R3HDM4: variants seen among roughly 807,000 people sequenced by gnomAD.
R3HDM4 encodes the protein R3H domain containing 4.
R3HDM4 carries 30 observed loss-of-function variants against 31.3 expected under a neutral mutation model. That is an observed-to-expected ratio of 0.96 (90% CI 0.72 to 1.30). R3HDM4 has a LOEUF of 1.30. Ranked by LOEUF, R3HDM4 falls within the 50% of genes most tolerant of loss-of-function variation. The pLI is 0.00. For synonymous variants in R3HDM4, 196 were observed against 156.6 expected (o/e 1.25, Z -1.88); for missense variants, 444 against 366.1 (o/e 1.21, Z -1.74).
intron 1 of R3HDM4, among the ~76,000 whole-genome samples, chr19:909,245 AAC>A (rs1350490301): frequency 1.3e-5 from 2 of 152,136 alleles, no homozygotes; most frequent in African/African-American, 4.8e-5. Flanking sequence ...CTCGAGCAAA[AAC>A]ACACCTTTCC....
chr19:909,344 G>A (rs945793406), intron 1 of R3HDM4, among the ~76,000 whole-genome samples: 2 of 152,200 alleles, frequency 1.3e-5, no homozygotes, highest in African/African-American at 4.8e-5. Flanking sequence ...TCAGGGCGGA[G>A]GTGACTCAGC....
chr19:913,052 C>CCT lies in R3HDM4; in HGVS notation c.71+34_71+35insAG. ...TCAGGGGAGGGAGCCCAGCCCGCCCCCGGCGCCCGCCGCGCCCCGCCCGCC... is the reference window on the plus strand; with the variant it reads ...TCAGGGGAGGGAGCCCAGCCCGCCCCCTCGGCGCCCGCCGCGCCCCGCCCGCC... On this transcript the variant is annotated intron_variant, in intron 1 of 7. Coordinates refer to ENST00000361574, the MANE Select transcript of R3HDM4 (RefSeq NM_138774.4). The surrounding 1 kb of genome is among the most constrained non-coding windows in gnomAD (Gnocchi z 5.0). 1.1e-6 allele frequency: 1 copy of CCT among 932,146 alleles called. No homozygotes were observed. The highest frequency in any genetic ancestry group is 1.3e-6 in the Non-Finnish European group (1 of 769,910). 57.7% of individuals were successfully genotyped at this position (932,146 alleles called of 1,614,324 possible).
At chr19:900,185 T>C (rs2036808793) in intron 4 of R3HDM4, 39 bp from the exon 5 acceptor site, 2 of 1,497,186 alleles carry the variant, frequency 1.3e-6, no homozygotes. Flanking sequence ...CTTGGGGTGC[T>C]CGTCCTGGCC....
Position 900,044 on chromosome 19 carries a change from G to A in R3HDM4, c.561+17C>T, listed in dbSNP as rs73507505. 3,950 of 1,610,592 alleles carry A rather than the reference G, an allele frequency of 2.5e-3. 86 individuals are homozygous for A. In the African/African-American group the frequency reaches 0.044, roughly 18 times the overall value. ...CCAGGCAGGTAGAAAAGGGAGGCCC[G>A]GCAATCCCCCACTCACCATGGGGAT... On this transcript the variant is annotated intron_variant, in intron 5 of 7. Transcript: ENST00000361574.
intron 1 of R3HDM4, among the ~76,000 whole-genome samples, chr19:909,020 G>A (rs2036940067): frequency 6.6e-6 from 1 of 152,196 alleles, no homozygotes; most frequent in Non-Finnish European, 1.5e-5. Context: ...TGTTTCCCAC[G>A]CCACTCAACA....
rs2036791853 is a variant in R3HDM4, at chr19:899,363, ACCAGGCC to A, written c.703+70_703+76del. On this transcript the variant is annotated intron_variant, in intron 7 of 7. Coordinates refer to ENST00000361574, the MANE Select transcript of R3HDM4 (RefSeq NM_138774.4). The surrounding 1 kb of genome is among the most constrained non-coding windows in gnomAD (Gnocchi z 6.8). ...TCCCCACCAAGCCCCACTCTGAGGA[ACCAGGCC>A]CCTGGGACCCTGGCCACTTTCCCAG... is the stretch of plus-strand genomic sequence containing the variant. 3 of 1,476,492 alleles carry A rather than the reference ACCAGGCC, an allele frequency of 2.0e-6. No homozygotes were observed. Among genetic ancestry groups the A allele is most frequent in the Non-Finnish European group, 1.9e-6 (2 of 1,056,962 alleles). 91.5% of individuals were successfully genotyped at this position (1,476,492 alleles called of 1,614,324 possible). A position where few individuals can be genotyped will look rare whatever the true frequency, so the allele number is the denominator to read the frequency against.
intron 1 of R3HDM4, among the ~76,000 whole-genome samples, chr19:910,395 G>A (rs1273842529): frequency 6.6e-6 from 1 of 151,944 alleles, no homozygotes; most frequent in Non-Finnish European, 1.5e-5. Flanking sequence ...GGGGCAGGAG[G>A]ATCGCCTGAG....
At chr19:901,829 T>C (rs2036841449) in intron 2 of R3HDM4, 147 bp downstream of exon 2, 3 of 969,026 alleles carry the variant, frequency 3.1e-6, no homozygotes, top group Non-Finnish European at 4.6e-6. Context: ...TCTATTTATA[T>C]GGTCCCCCGG....
Position 913,015 on chromosome 19 carries a change from G to C in R3HDM4, c.71+72C>G. 1.8e-6 allele frequency: 1 copy of C among 546,856 alleles called. No homozygotes were observed. The highest frequency in any genetic ancestry group is 2.4e-6 in the Non-Finnish European group (1 of 419,650). 33.9% of individuals were successfully genotyped at this position (546,856 alleles called of 1,614,324 possible). On this transcript the variant is annotated intron_variant, in intron 1 of 7. Transcript: ENST00000361574. The surrounding 1 kb of genome is among the most constrained non-coding windows in gnomAD (Gnocchi z 5.0). Reference sequence around the variant, plus strand: ...GAAGGGAAAGGAGGGGAGGGGAGGCGGGGAGAGGATCTCAGGGGAGGGAGC... The same window carrying C: ...GAAGGGAAAGGAGGGGAGGGGAGGCCGGGAGAGGATCTCAGGGGAGGGAGC...
At chr19:910,742 G>A (rs168405) in intron 1 of R3HDM4, among the ~76,000 whole-genome samples, 1 of 152,078 alleles carries the variant, frequency 6.6e-6, no homozygotes, top group South Asian at 2.1e-4. Context: ...AAATCACCTC[G>A]GTAGAGATGG....
intron 2 of R3HDM4, 189 bp from the exon 3 acceptor site, chr19:901,735 A>G: frequency 2.3e-6 from 2 of 888,154 alleles, no homozygotes; most frequent in South Asian, 3.5e-5. Context: ...ACTCCTATAT[A>G]TCCTTTAAAG....
At position 902,246 on chromosome 19, in the gene R3HDM4, A is replaced by G. The variant is rs1181417511; in HGVS notation, c.72-116T>C. ...CCCCAGCAATGGAGAGCTCACCCCT[A>G]CGGTGTGTGAAGTCCTGGGCCCTTA... On this transcript the variant is annotated intron_variant, in intron 1 of 7. Coordinates refer to ENST00000361574, the MANE Select transcript of R3HDM4 (RefSeq NM_138774.4). 8 of 1,135,540 alleles carry G rather than the reference A, an allele frequency of 7.0e-6. No homozygotes were observed. In the East Asian group the frequency reaches 2.0e-4, roughly 28 times the overall value. The allele number at this position is 1,135,540 out of a possible 1,614,324, so 70.3% of individuals were successfully genotyped here.
intron 3 of R3HDM4, 69 bp downstream of exon 3, chr19:901,353 C>A: frequency 1.3e-6 from 2 of 1,524,192 alleles, no homozygotes; most frequent in Non-Finnish European, 8.8e-7. Flanking sequence ...CGGGCACAGG[C>A]GATGGCCTGG....
rs1283925896 is a variant in R3HDM4 at position 897,467 on chromosome 19, G to A, written c.777C>T (p.Leu259=). 6.2e-7 allele frequency: 1 copy of A among 1,612,082 alleles called. No homozygotes were observed. Among genetic ancestry groups the A allele is most frequent in the Non-Finnish European group, 8.5e-7 (1 of 1,179,522 alleles). The change falls in exon 8 of 8, where the codon CTC becomes CTT. Residue 259 remains leucine (L), a synonymous_variant. Coordinates refer to ENST00000361574, the MANE Select transcript of R3HDM4 (RefSeq NM_138774.4). ...TGTGCTGCTCCAGGTAGGCGGACAGGAGCAGCCCCGGCGGCAGGAAATCCA... is the reference window on the plus strand; with the variant it reads ...TGTGCTGCTCCAGGTAGGCGGACAGAAGCAGCCCCGGCGGCAGGAAATCCA... ...RHLDFLPPGL[L]LSAYLEQHS is the part of the protein sequence containing the mutation.
intron 1 of R3HDM4, among the ~76,000 whole-genome samples, chr19:909,520 G>A (rs1043578158): frequency 6.6e-6 from 1 of 152,214 alleles, no homozygotes; most frequent in African/African-American, 2.4e-5. Context: ...AGGGTGCCAG[G>A]CGTGGTGGTT....
chr19:901,317 A>G, intron 3 of R3HDM4, 105 bp downstream of exon 3: 1 of 1,273,692 alleles, frequency 7.9e-7, no homozygotes, highest in Non-Finnish European at 1.1e-6. Context: ...GGAGATCAGA[A>G]GTGGGCGGGT....
Position 899,970 on chromosome 19 carries a change from C to T in R3HDM4, c.561+91G>A, listed in dbSNP as rs2036803617. The T allele has an allele frequency of 2.2e-6, 3 of 1,333,518 alleles. No homozygotes were observed. Among genetic ancestry groups the T allele is most frequent in the African/African-American group, 1.4e-5 (1 of 69,042 alleles). 82.6% of individuals were successfully genotyped at this position (1,333,518 alleles called of 1,614,324 possible). On this transcript the variant is annotated intron_variant, in intron 5 of 7. Transcript: ENST00000361574. This position sits in a 1 kb window ranked among gnomAD's most constrained non-coding sequence, Gnocchi z 6.8. ...TCCTGCCCTGTTTCCCCTGACACGA[C>T]CTGCACCGGGTGAGAACCTGTGCCT... is the stretch of plus-strand genomic sequence containing the variant.
chr19:897,674 C>G, intron 7 of R3HDM4, 134 bp from the exon 8 acceptor site: 1 of 675,286 alleles, frequency 1.5e-6, no homozygotes, highest in Non-Finnish European at 2.5e-6. Context: ...GTCACTGCGG[C>G]CTGGCTGGCC....
Position 902,014 on chromosome 19 carries a change from T to C in R3HDM4, c.188A>G (p.Lys63Arg). Residue 63 changes from lysine (K) to arginine (R), a missense_variant, in exon 2 of 8, where the codon AAG becomes AGG. Lys to Arg is a conservative substitution (Grantham distance 26, BLOSUM62 2). Coordinates refer to ENST00000361574, the MANE Select transcript of R3HDM4 (RefSeq NM_138774.4). ...QAVRNSDLVP[K>R]AKGRKSLQRL... Reference sequence around the variant, plus strand: ...CTGGAGGCTCTTCCGCCCCTTGGCCTTGGGCACGAGGTCTGAGTTCCGCAC... The same window carrying C: ...CTGGAGGCTCTTCCGCCCCTTGGCCCTGGGCACGAGGTCTGAGTTCCGCAC... 6.2e-7 allele frequency: 1 copy of C among 1,613,886 alleles called. No individual in the cohort carries two copies. The highest frequency in any genetic ancestry group is 8.5e-7 in the Non-Finnish European group (1 of 1,180,008).
Sources: gnomAD v4.1 joint callset for allele counts (sites outside exome capture counted in the v4.1 genomes callset) on GRCh38, gnomAD v4.1.1 for gene constraint, Gnocchi (gnomAD v3.1) non-coding constraint, MANE v1.5 for transcripts, NCBI Gene and HGNC (gene_info 2026-07-23, HGNC 2026-07-21) for gene names.